Variants in NADK observed in about 807,000 individuals in gnomAD.
The protein encoded by NADK is NAD kinase.
In NADK, 22 loss-of-function variants were observed where a neutral mutation model predicts 49.8. The ratio of observed to expected loss-of-function variants is 0.44; its 90% CI spans 0.32 to 0.63. The LOEUF is 0.63. Ranked by LOEUF, NADK falls within the 30% of genes least tolerant of loss-of-function variation. The probability of loss-of-function intolerance (pLI) is 0.06; values close to 1 mark genes in which losing one functional copy is unlikely to be tolerated. For missense variants in NADK, 438 were observed against 609.4 expected (o/e 0.72, Z 2.96); for synonymous variants, 268 against 253.7 (o/e 1.06, Z -0.54).
At chr1:1,758,222 T>C (rs558850258) in intron 3 of NADK, 4 of 922,928 alleles carry the variant, frequency 4.3e-6, no homozygotes, top group African/African-American at 3.4e-5. Flanking sequence ...CTGCCTGCCA[T>C]GCCTCTTCCC....
rs1645364929 is a variant in NADK, at chr1:1,752,767, C to T, written c.*137G>A. ...ACAGCTGATCTGGACAAAAGGCAGA[C>T]CCAGGCTCTAACCCAGCTACAGAAA... On this transcript the variant is annotated 3_prime_UTR_variant, in exon 12 of 12. Coordinates refer to ENST00000341426, the MANE Select transcript of NADK (RefSeq NM_023018.5). 1 of 1,041,566 alleles carries T rather than the reference C, an allele frequency of 9.6e-7. No homozygotes were observed. Among genetic ancestry groups the T allele is most frequent in the East Asian group, 2.5e-5 (1 of 40,572 alleles). 64.5% of individuals were successfully genotyped at this position (1,041,566 alleles called of 1,614,324 possible).
intron 3 of NADK, among the ~76,000 whole-genome samples, chr1:1,757,822 C>G (rs144845651): frequency 2.6e-5 from 4 of 152,128 alleles, no homozygotes; most frequent in South Asian, 2.1e-4. Flanking sequence ...CGCTTCCCCC[C>G]CTGCACACAG....
intron 1 of NADK, among the ~76,000 whole-genome samples, chr1:1,766,410 CAAAAAAAAAAAAAAAAAAAAAAAAAAAA>C (rs70937193): frequency 3.7e-5 from 1 of 26,982 alleles, no homozygotes; most frequent in East Asian, 8.1e-4. Context: ...AACTCCGTCT[CAAAAAAAAAAAAAAAAAAAAAAAAAAAA>C]AAAAAAAAAA....
At chr1:1,768,068 C>T (rs530344958) in intron 1 of NADK, among the ~76,000 whole-genome samples, 32 of 151,104 alleles carry the variant, frequency 2.1e-4, no homozygotes, top group African/African-American at 6.6e-4. Context: ...CTACTTGGGA[C>T]GCTGAGGCAG....
chr1:1,765,381 G>A lies in NADK; in HGVS notation c.26C>T (p.Thr9Ile). 1.2e-6 allele frequency: 2 copies of A among 1,603,918 alleles called. No individual in the cohort carries two copies. The highest frequency in any genetic ancestry group is 2.3e-5 in the East Asian group (1 of 44,320). Residue 9 changes from threonine (T) to isoleucine (I), a missense_variant, in exon 2 of 12, where the codon ACC becomes ATC. Transcript: ENST00000341426. MEMEQEKM[T>I]MNKELSPDAA... The stretch of plus-strand genomic sequence containing the variant: ...GTCTGGACTCAATTCCTTATTCATG[G>A]TCATTTTTTCTTGTTCCATTTCCAT...
intron 4 of NADK, 33 bp downstream of exon 4, chr1:1,757,148 A>AACCCCACCCCCCCCCCCCCCCCCC: frequency 1.2e-6 from 1 of 859,202 alleles, no homozygotes. Flanking sequence ...CTCCATGTGC[A>AACCCCACCCCCCCCCCCCCCCCCC]CCCCAGGCCC....
In NADK at chr1:1,752,816, A is replaced by G. The variant is rs544120880; in HGVS notation, c.*88T>C. The G allele has an allele frequency of 6.7e-4, 980 of 1,462,482 alleles. 21 individuals carry two copies. The South Asian group carries it at 0.012, about 18-fold the overall frequency. The allele number at this position is 1,462,482 out of a possible 1,614,324, so 90.6% of individuals were successfully genotyped here. ...AAGGAAGTGGCCGTGCCACTGAGAC[A>G]GGCGGTCACAGACACACGCAGATTG... On this transcript the variant is annotated 3_prime_UTR_variant, in exon 12 of 12. Coordinates refer to ENST00000341426, the MANE Select transcript of NADK (RefSeq NM_023018.5).
At chr1:1,776,033 C>A (rs1418460606) in intron 1 of NADK, among the ~76,000 whole-genome samples, 1 of 152,046 alleles carries the variant, frequency 6.6e-6, no homozygotes, top group Non-Finnish European at 1.5e-5. Context: ...GACACAGCCT[C>A]CCCCCAAGTG....
At chr1:1,764,247 T>A (rs1239988860) in intron 2 of NADK, among the ~76,000 whole-genome samples, 1 of 152,216 alleles carries the variant, frequency 6.6e-6, no homozygotes, top group Non-Finnish European at 1.5e-5. Flanking sequence ...ATAGTCGTGA[T>A]CCTTGTTAGG....
At chr1:1,770,657 A>T (rs1186197508) in intron 1 of NADK, among the ~76,000 whole-genome samples, 1 of 151,780 alleles carries the variant, frequency 6.6e-6, no homozygotes, top group African/African-American at 2.4e-5. Flanking sequence ...GTGTGAACCC[A>T]GGAGGCAGAG....
upstream of NADK, among the ~76,000 whole-genome samples, chr1:1,779,596 A>T (rs975593455): frequency 5.9e-5 from 9 of 151,736 alleles, no homozygotes; most frequent in Non-Finnish European, 1.5e-5. Flanking sequence ...CTTCCACTTC[A>T]GCTTCCCTAG....
intron 3 of NADK, among the ~76,000 whole-genome samples, chr1:1,758,123 C>T (rs1645589137): frequency 6.6e-6 from 1 of 152,240 alleles, no homozygotes; most frequent in Non-Finnish European, 1.5e-5. Flanking sequence ...CCGTCGTCAG[C>T]GCTCACCGCC....
Position 1,754,371 on chromosome 1 carries a change from C to A in NADK, c.856G>T (p.Val286Leu). ...GAGGAGGGGCCTCTGTCAATCACCA[C>A]CTCATTCAGGACCTGGAGGGGCGAC... is the stretch of plus-strand genomic sequence containing the variant. Reference protein sequence around the residue: ...QAMQYQVLNEVVIDRGPSSYL... With the variant: ...QAMQYQVLNELVIDRGPSSYL... The change falls in exon 9 of 12, where the codon GTG becomes TTG. Residue 286 changes from valine to leucine, a missense_variant. Val to Leu is a conservative substitution (Grantham distance 32, BLOSUM62 1). Transcript: ENST00000341426. The surrounding 1 kb of genome is among the most constrained non-coding windows in gnomAD (Gnocchi z 4.3). The A allele has an allele frequency of 6.2e-7, 1 of 1,613,940 alleles. No homozygotes were observed. The highest frequency in any genetic ancestry group is 1.1e-5 in the South Asian group (1 of 91,088).
intron 1 of NADK, among the ~76,000 whole-genome samples, chr1:1,773,073 G>A (rs1646098767): frequency 6.6e-6 from 1 of 151,292 alleles, no homozygotes; most frequent in Non-Finnish European, 1.5e-5. Flanking sequence ...TTAACACAGA[G>A]GGAGCTGGTG....
Position 1,754,470 on chromosome 1 carries a change from G to A in NADK, c.843+74C>T, listed in dbSNP as rs369066991. 60 of 1,603,424 alleles carry A rather than the reference G, an allele frequency of 3.7e-5. No homozygotes were observed. Among genetic ancestry groups the A allele is most frequent in the African/African-American group, 1.2e-4 (9 of 74,854 alleles). On this transcript the variant is annotated intron_variant, in intron 8 of 11. Coordinates refer to ENST00000341426, the MANE Select transcript of NADK (RefSeq NM_023018.5). The surrounding 1 kb of genome is among the most constrained non-coding windows in gnomAD (Gnocchi z 4.3). ...TCCGTCTCACCCAGCCGGGCTCTCC[G>A]GAAGGTCCTCATCCCTGGGACCGAA...
At chr1:1,774,299 C>T (rs912398932) in intron 1 of NADK, among the ~76,000 whole-genome samples, 4 of 151,984 alleles carry the variant, frequency 2.6e-5, no homozygotes, top group Admixed American at 2.6e-4. Context: ...GGCGCGATCT[C>T]GGCTCACCGC....
intron 1 of NADK, among the ~76,000 whole-genome samples, chr1:1,777,336 G>C (rs1354007863): frequency 6.6e-6 from 1 of 152,066 alleles, no homozygotes; most frequent in Non-Finnish European, 1.5e-5. Context: ...TACTTGAAGG[G>C]AATTATCTAA....
At chr1:1,762,576 T>C (rs1210792473) in intron 2 of NADK, among the ~76,000 whole-genome samples, 2 of 152,020 alleles carry the variant, frequency 1.3e-5, no homozygotes, top group African/African-American at 4.8e-5. Flanking sequence ...GCCAACATGG[T>C]GAAACCCCCA....
chr1:1,754,713 G>C lies in NADK; in HGVS notation c.689-15C>G, dbSNP rs1443686090. 1.2e-6 allele frequency: 2 copies of C among 1,604,036 alleles called. No homozygotes were observed. The highest frequency in any genetic ancestry group is 1.7e-6 in the Non-Finnish European group (2 of 1,175,248). On this transcript the variant is annotated splice_polypyrimidine_tract_variant and intron_variant, in intron 7 of 11. Coordinates refer to ENST00000341426, the MANE Select transcript of NADK (RefSeq NM_023018.5). This position sits in a 1 kb window ranked among gnomAD's most constrained non-coding sequence, Gnocchi z 4.3. The stretch of plus-strand genomic sequence containing the variant: ...AGCTGCGTTCCCTGAGGTCCAGCAG[G>C]AGTCAGAGGGCATGCATCAGGGAAG...
Sources: allele counts gnomAD v4.1 joint callset (sites outside exome capture counted in the v4.1 genomes callset), GRCh38; gene constraint gnomAD v4.1.1; non-coding constraint Gnocchi (gnomAD v3.1); transcripts MANE v1.5; gene names NCBI Gene and HGNC (gene_info 2026-07-23, HGNC 2026-07-21).